The following ERCC8 variants were observed in gnomAD, a reference collection of about 807,000 sequenced individuals.
ERCC8 encodes DNA excision repair protein ERCC-8.
Under a neutral mutation model 54.9 loss-of-function variants are expected in ERCC8, and 52 were observed. The observed-to-expected ratio is 0.95, with a 90% CI of 0.76 to 1.19. The LOEUF (loss-of-function observed/expected upper bound fraction) is 1.19, where lower values mean the gene tolerates loss of function less well. ERCC8 is among the 50% of genes most tolerant of loss of function. The pLI, the probability that ERCC8 is intolerant of heterozygous loss-of-function variation, is 0.00. For missense variants in ERCC8, 514 were observed against 466.1 expected (o/e 1.10, Z -0.95); for synonymous variants, 146 against 157.2 (o/e 0.93, Z 0.53).
At chr5:60,908,793 A>G (rs917353389) in intron 4 of ERCC8, among the ~76,000 whole-genome samples, 1 of 152,104 alleles carries the variant, frequency 6.6e-6, no homozygotes, top group Non-Finnish European at 1.5e-5. Flanking sequence ...AAATGAGTCC[A>G]GCATAAGAAC....
chr5:60,916,570 C>A (rs755684940), intron 4 of ERCC8, among the ~76,000 whole-genome samples: 13 of 151,896 alleles, frequency 8.6e-5, no homozygotes, highest in Non-Finnish European at 1.5e-4. Flanking sequence ...TCATGACATT[C>A]ATTTAATTGT....
At chr5:60,874,767 T>C (rs1747949643) in intron 11 of ERCC8, 84 bp from the exon 12 acceptor site, 1 of 1,146,798 alleles carries the variant, frequency 8.7e-7, no homozygotes, top group Non-Finnish European at 1.3e-6. Flanking sequence ...TTATGAAATA[T>C]ATCAGATAAA....
chr5:60,884,523 G>GTT lies in ERCC8; in HGVS notation c.1122+2915_1122+2916dup, dbSNP rs71606648. Among the ~76,000 whole-genome samples, 188 of 128,100 alleles carry GTT rather than the reference G, an allele frequency of 1.5e-3. 2 individuals are homozygous for GTT. The highest frequency in any genetic ancestry group is 2.7e-3 in the African/African-American group (93 of 34,838). 84.0% of individuals were successfully genotyped at this position (128,100 alleles called of 152,430 possible). On this transcript the variant is annotated intron_variant, in intron 11 of 11. Coordinates refer to ENST00000676185, the MANE Select transcript of ERCC8 (RefSeq NM_000082.4). Reference sequence around the variant, plus strand: ...TATGTGTATGTATATGTGTGTATGTGTTTTTTTTTTTTTTGTTTTCTAGTG... The same window carrying GTT: ...TATGTGTATGTATATGTGTGTATGTGTTTTTTTTTTTTTTTTGTTTTCTAGTG...
intron 11 of ERCC8, among the ~76,000 whole-genome samples, chr5:60,875,360 G>C (rs768225604): frequency 1.8e-4 from 27 of 152,138 alleles, no homozygotes; most frequent in Non-Finnish European, 3.5e-4. Flanking sequence ...GTTTCCCTCA[G>C]GGATTTGTCT....
At chr5:60,918,193 A>G (rs1238181068) in intron 4 of ERCC8, 72 bp downstream of exon 4, 2 of 1,197,208 alleles carry the variant, frequency 1.7e-6, no homozygotes, top group African/African-American at 3.0e-5. Flanking sequence ...GCAAATAATC[A>G]TACTAAAATG....
intron 1 of ERCC8, among the ~76,000 whole-genome samples, chr5:60,933,710 T>C (rs1204075096): frequency 6.6e-6 from 1 of 152,184 alleles, no homozygotes; most frequent in Non-Finnish European, 1.5e-5. Context: ...GTGCAGTCTT[T>C]TAACCTTCAC....
At chr5:60,891,787 G>T (rs917786648) in intron 9 of ERCC8, 3 of 294,856 alleles carry the variant, frequency 1.0e-5, no homozygotes, top group Non-Finnish European at 2.0e-5. Flanking sequence ...AGAGTGGAGA[G>T]AACAGTGGGA....
chr5:60,931,135 C>G (rs1749897452), intron 1 of ERCC8, among the ~76,000 whole-genome samples: 1 of 151,656 alleles, frequency 6.6e-6, no homozygotes, highest in Admixed American at 6.6e-5. Flanking sequence ...AAAAAAAAGC[C>G]TACTACTCAT....
intron 1 of ERCC8, among the ~76,000 whole-genome samples, chr5:60,939,199 T>C (rs1042390966): frequency 2.0e-5 from 3 of 152,176 alleles, no homozygotes; most frequent in Non-Finnish European, 2.9e-5. Context: ...AATTGAGAAG[T>C]GTCTAAAAAA....
At chr5:60,907,209 A>G (rs1171552108) in intron 4 of ERCC8, 2 of 152,344 alleles carry the variant, frequency 1.3e-5, no homozygotes, top group Non-Finnish European at 2.9e-5. Flanking sequence ...CTCAGTCACA[A>G]CAGGTAATTT....
Position 60,917,795 on chromosome 5 carries a change from A to C in ERCC8, c.399+470T>G, listed in dbSNP as rs549109268. Among the ~76,000 whole-genome samples the C allele has an allele frequency of 9.2e-5, 14 of 152,186 alleles. No homozygotes were observed. The South Asian group carries it at 2.9e-3, about 31-fold the overall frequency. On this transcript the variant is annotated intron_variant, in intron 4 of 11. Coordinates refer to ENST00000676185, the MANE Select transcript of ERCC8 (RefSeq NM_000082.4). ...AATTTGACCAAATGTCATACAAACT[A>C]TTATCCATTGCTTGTCTTTACTAAG...
intron 4 of ERCC8, among the ~76,000 whole-genome samples, chr5:60,912,549 TG>T (rs1221908932): frequency 2.0e-5 from 3 of 152,128 alleles, no homozygotes; most frequent in Non-Finnish European, 4.4e-5. Flanking sequence ...AGGGAGAACT[TG>T]ACTTCCTCTT....
At chr5:60,916,292 T>C (rs572869722) in intron 4 of ERCC8, among the ~76,000 whole-genome samples, 7 of 152,200 alleles carry the variant, frequency 4.6e-5, no homozygotes, top group Non-Finnish European at 8.8e-5. Context: ...CCCACTCATT[T>C]ATCTGCCTCT....
intron 4 of ERCC8, among the ~76,000 whole-genome samples, chr5:60,914,858 T>C (rs1478447834): frequency 1.3e-5 from 2 of 151,328 alleles, no homozygotes; most frequent in African/African-American, 4.9e-5. Flanking sequence ...AGATGACTAA[T>C]ATGTAGTTTT....
chr5:60,887,660 CT>C (rs1748435604), intron 10 of ERCC8, 140 bp from the exon 11 acceptor site: 2 of 686,200 alleles, frequency 2.9e-6, no homozygotes, highest in Non-Finnish European at 5.2e-6. Flanking sequence ...TAGGCCAATG[CT>C]GTTTTTCCTT....
intron 8 of ERCC8, among the ~76,000 whole-genome samples, chr5:60,899,276 C>T (rs1022873994): frequency 1.3e-5 from 2 of 151,820 alleles, no homozygotes; most frequent in Non-Finnish European, 2.9e-5. Flanking sequence ...GATACAATGG[C>T]CACAAAATGT....
chr5:60,881,930 A>G (rs1748246990), intron 11 of ERCC8, among the ~76,000 whole-genome samples: 1 of 152,168 alleles, frequency 6.6e-6, no homozygotes, highest in Non-Finnish European at 1.5e-5. Context: ...AAATGCATAA[A>G]TCACCTGTCT....
intron 11 of ERCC8, among the ~76,000 whole-genome samples, chr5:60,880,743 G>A (rs1397806330): frequency 6.6e-6 from 1 of 151,994 alleles, no homozygotes; most frequent in Non-Finnish European, 1.5e-5. Flanking sequence ...TGTCTGCATT[G>A]GTTATTCTAG....
chr5:60,878,096 G>A (rs1438605876), intron 11 of ERCC8, among the ~76,000 whole-genome samples: 1 of 152,134 alleles, frequency 6.6e-6, no homozygotes, highest in Non-Finnish European at 1.5e-5. Context: ...GTTGAATTTT[G>A]TCAAACGCCT....
Sources: gnomAD v4.1 joint callset for allele counts (sites outside exome capture counted in the v4.1 genomes callset) on GRCh38, gnomAD v4.1.1 for gene constraint, MANE v1.5 for transcripts, NCBI Gene and HGNC (gene_info 2026-07-23, HGNC 2026-07-21) for gene names.